The following CCDC30 variants were observed in gnomAD, a reference collection of about 807,000 sequenced individuals.
CCDC30 encodes the protein coiled-coil domain-containing protein 30.
In CCDC30, 70 loss-of-function variants were observed where a neutral mutation model predicts 100.2. The observed-to-expected ratio is 0.70, with a 90% CI of 0.58 to 0.85. CCDC30 has a LOEUF of 0.85. CCDC30 is among the 40% of genes least tolerant of loss of function. The pLI is 0.00. For missense variants in CCDC30, 652 were observed against 771.2 expected, an observed-to-expected ratio of 0.85 and a Z score of 1.83; for synonymous variants, 233 against 269.5, an observed-to-expected ratio of 0.86 and a Z score of 1.33.
intron 7 of CCDC30, among the ~76,000 whole-genome samples, chr1:42,572,888 G>T (rs1570110024): frequency 1.3e-5 from 2 of 152,280 alleles, no homozygotes; most frequent in Middle Eastern, 6.8e-3. Context: ...CAAAGTGTGG[G>T]ATTACAGGCG....
At chr1:42,554,372 G>C (rs1468371416) in intron 6 of CCDC30, among the ~76,000 whole-genome samples, 5 of 150,596 alleles carry the variant, frequency 3.3e-5, no homozygotes, top group Non-Finnish European at 2.9e-5. Context: ...CTGCCTCCTA[G>C]GTCCAAGAGA....
chr1:42,649,487 T>C (rs1007790771), intron 15 of CCDC30, among the ~76,000 whole-genome samples: 4 of 152,190 alleles, frequency 2.6e-5, no homozygotes, highest in African/African-American at 9.7e-5. Context: ...AGCCCACAGC[T>C]AACATTATAC....
At chr1:42,618,004 G>A (rs1168382411) in intron 11 of CCDC30, among the ~76,000 whole-genome samples, 2 of 152,176 alleles carry the variant, frequency 1.3e-5, no homozygotes, top group Non-Finnish European at 2.9e-5. Flanking sequence ...CAGCTTGGAG[G>A]TTAGAAGTAA....
chr1:42,642,630 G>C, intron 13 of CCDC30, 21 bp downstream of exon 17: 3 of 1,517,714 alleles, frequency 2.0e-6, no homozygotes, highest in Non-Finnish European at 2.7e-6. Flanking sequence ...TCCTGCCTGG[G>C]AGCCAATAAA....
At chr1:42,496,122 AG>A (rs1644228147) in intron 4 of CCDC30, among the ~76,000 whole-genome samples, 1 of 147,304 alleles carries the variant, frequency 6.8e-6, no homozygotes, top group African/African-American at 2.5e-5. Context: ...TTATTTGTGG[AG>A]TGTGTGTGTG....
intron 6 of CCDC30, among the ~76,000 whole-genome samples, chr1:42,562,672 C>A (rs1360998691): frequency 2.0e-5 from 3 of 152,082 alleles, no homozygotes; most frequent in African/African-American, 7.2e-5. Context: ...GAACAGGCAA[C>A]CTAGAGAATG....
At chr1:42,651,188 A>G (rs1022312804) in intron 15 of CCDC30, among the ~76,000 whole-genome samples, 1 of 152,212 alleles carries the variant, frequency 6.6e-6, no homozygotes, top group Non-Finnish European at 1.5e-5. Flanking sequence ...TTCCAATGTG[A>G]CACGAAAAGC....
chr1:42,533,140 T>G (rs1412668023), intron 6 of CCDC30, among the ~76,000 whole-genome samples: 1 of 152,162 alleles, frequency 6.6e-6, no homozygotes, highest in African/African-American at 2.4e-5. Flanking sequence ...TAAACTAGAC[T>G]TGATTGGATA....
chr1:42,650,411 A>G (rs1288796524), intron 15 of CCDC30, among the ~76,000 whole-genome samples: 1 of 151,230 alleles, frequency 6.6e-6, no homozygotes, highest in Non-Finnish European at 1.5e-5. Context: ...GCTTGAGCCC[A>G]GGTGGTAGAG....
At chr1:42,601,260 A>T (rs1490372744) in intron 10 of CCDC30, among the ~76,000 whole-genome samples, 1 of 152,220 alleles carries the variant, frequency 6.6e-6, no homozygotes, top group Non-Finnish European at 1.5e-5. Flanking sequence ...TTTGAAGGAC[A>T]TTTATAGCAT....
chr1:42,598,236 G>A (rs1646331845), intron 10 of CCDC30, among the ~76,000 whole-genome samples: 1 of 151,758 alleles, frequency 6.6e-6, no homozygotes, highest in African/African-American at 2.4e-5. Context: ...GGTGAGGGAA[G>A]CTGGGCATGG....
At chr1:42,643,531 C>G (rs1010410341) in intron 13 of CCDC30, among the ~76,000 whole-genome samples, 2 of 152,198 alleles carry the variant, frequency 1.3e-5, no homozygotes, top group Non-Finnish European at 2.9e-5. Context: ...TTCTGACAGT[C>G]AGGATCCAAC....
chr1:42,457,511 T>G, the CCDC30 span: 1 of 642,224 alleles, frequency 1.6e-6, no homozygotes, highest in Non-Finnish European at 2.8e-6. Context: ...CACAATCTAG[T>G]GAGGGAGCTG....
chr1:42,546,081 A>G (rs1645124379), intron 6 of CCDC30, among the ~76,000 whole-genome samples: 2 of 151,792 alleles, frequency 1.3e-5, no homozygotes, highest in South Asian at 2.1e-4. Flanking sequence ...CTGCTTTCAA[A>G]CAACGAATGT....
intron 6 of CCDC30, chr1:42,510,002 A>T: frequency 1.1e-6 from 1 of 930,670 alleles, no homozygotes; most frequent in Middle Eastern, 5.6e-4. Flanking sequence ...AGTTTGGAGG[A>T]ACATTATAAA....
At chr1:42,478,643 C>T (rs1476820696) in intron 1 of CCDC30, among the ~76,000 whole-genome samples, 5 of 152,084 alleles carry the variant, frequency 3.3e-5, no homozygotes, top group Non-Finnish European at 7.4e-5. Flanking sequence ...CTTGTAGTCT[C>T]AGTTACTCGG....
intron 6 of CCDC30, among the ~76,000 whole-genome samples, chr1:42,509,165 C>A (rs1644440491): frequency 6.6e-6 from 1 of 152,206 alleles, no homozygotes; most frequent in Non-Finnish European, 1.5e-5. Context: ...ACCCAACCAA[C>A]TCCATCTTGC....
chr1:42,456,362 T>C, the CCDC30 span: 4 of 643,900 alleles, frequency 6.2e-6, no homozygotes, highest in Non-Finnish European at 1.0e-5. Context: ...CAGCCGGGGA[T>C]CCCCCTCGTT....
intron 6 of CCDC30, among the ~76,000 whole-genome samples, chr1:42,563,106 A>ATATACAG (rs1382112068): frequency 6.6e-6 from 1 of 152,224 alleles, no homozygotes. Flanking sequence ...ATTACTGGGT[A>ATATACAG]TATACCCAAA....
Sources: gnomAD v4.1 joint callset for allele counts (sites outside exome capture counted in the v4.1 genomes callset) on GRCh38, gnomAD v4.1.1 for gene constraint, MANE v1.5 for transcripts, NCBI Gene and HGNC (gene_info 2026-07-23, HGNC 2026-07-21) for gene names.